Variants in ARPC5L observed in about 807,000 individuals in gnomAD.
The protein encoded by ARPC5L is actin-related protein 2/3 complex subunit 5-like protein.
A neutral mutation model predicts 16.9 loss-of-function variants in ARPC5L; 4 were observed. The ratio of observed to expected loss-of-function variants is 0.24; its 90% confidence interval spans 0.12 to 0.54. The LOEUF is 0.54. Among genes scored for constraint, ARPC5L ranks in the 20% least tolerant of loss-of-function variants. The pLI is 0.95. For synonymous variants in ARPC5L, 78 were observed against 82.6 expected (o/e 0.94, Z 0.30); for missense variants, 151 against 201.9 (o/e 0.75, Z 1.53).
At chr9:124,868,290 C>T (rs934136018) in intron 2 of ARPC5L, 138 bp from the exon 3 acceptor site, 2 of 152,040 alleles carry the variant, frequency 1.3e-5, no homozygotes, top group African/African-American at 2.4e-5. Flanking sequence ...AGTTTTCACA[C>T]TATTATATAA....
At chr9:124,869,824 C>G (rs1588042780) in intron 3 of ARPC5L, among the ~76,000 whole-genome samples, 1 of 152,088 alleles carries the variant, frequency 6.6e-6, no homozygotes, top group Non-Finnish European at 1.5e-5. Context: ...TATGGCGGGG[C>G]TGGGTCGGCG....
At chr9:124,864,811 CTTTT>C (rs953093647) in intron 2 of ARPC5L, among the ~76,000 whole-genome samples, 1 of 143,290 alleles carries the variant, frequency 7.0e-6, no homozygotes, top group Admixed American at 7.0e-5. Flanking sequence ...GCGCCTGGAC[CTTTT>C]TTTTTTTTTG....
At chr9:124,870,065 G>T (rs998940804) in intron 3 of ARPC5L, among the ~76,000 whole-genome samples, 1 of 152,184 alleles carries the variant, frequency 6.6e-6, no homozygotes, top group African/African-American at 2.4e-5. Context: ...GAGAAAGGGG[G>T]ACCCTGTGGT....
intron 2 of ARPC5L, among the ~76,000 whole-genome samples, chr9:124,866,753 C>T (rs1277669676): frequency 1.3e-5 from 2 of 152,100 alleles, no homozygotes; most frequent in African/African-American, 4.8e-5. Context: ...CAGCTTGTTC[C>T]CACCATCCTC....
chr9:124,865,864 T>C (rs776239510), intron 2 of ARPC5L, among the ~76,000 whole-genome samples: 4 of 151,762 alleles, frequency 2.6e-5, no homozygotes, highest in Non-Finnish European at 4.4e-5. Flanking sequence ...CCCAGCACTT[T>C]GGGAGGCCAA....
rs1829357385 is a variant in ARPC5L at position 124,871,359 on chromosome 9, C to G, written c.149+1920C>G. On this transcript the variant is annotated intron_variant, in intron 3 of 5. Coordinates refer to ENST00000353214, the MANE Select transcript of ARPC5L (RefSeq NM_030978.3). The stretch of plus-strand genomic sequence containing the variant: ...CATCTTCTGTTACGTGGCGGACAGC[C>G]ATGCTGGCTTCCTAGATTCCGTGGG... Among the ~76,000 whole-genome samples, 3 of 152,320 alleles carry G rather than the reference C, an allele frequency of 2.0e-5. No individual in the cohort carries two copies. The South Asian group carries it at 6.2e-4, about 32-fold the overall frequency.
intron 3 of ARPC5L, 139 bp from the exon 4 acceptor site, chr9:124,873,553 C>G: frequency 1.1e-6 from 1 of 919,408 alleles, no homozygotes; most frequent in Admixed American, 2.0e-5. Flanking sequence ...ACCGTCTCTG[C>G]CCCCCTGGAA....
chr9:124,865,352 G>A (rs923595182), intron 2 of ARPC5L, among the ~76,000 whole-genome samples: 20 of 148,858 alleles, frequency 1.3e-4, no homozygotes, highest in African/African-American at 4.9e-4. Flanking sequence ...GTCTAATGGT[G>A]CACAGTGCCT....
chr9:124,874,947 G>A, intron 4 of ARPC5L, 28 bp from the exon 5 acceptor site: 2 of 1,612,760 alleles, frequency 1.2e-6, no homozygotes, highest in Non-Finnish European at 8.5e-7. Flanking sequence ...CGCAGCTCTG[G>A]GACTCACTTG....
intron 3 of ARPC5L, among the ~76,000 whole-genome samples, chr9:124,870,134 A>C (rs1829335170): frequency 6.6e-6 from 1 of 152,200 alleles, no homozygotes; most frequent in African/African-American, 2.4e-5. Flanking sequence ...GGCTCCCCCC[A>C]GTACCCTTCT....
intron 5 of ARPC5L, among the ~76,000 whole-genome samples, chr9:124,875,932 G>C (rs2131339874): frequency 6.6e-6 from 1 of 152,308 alleles, no homozygotes; most frequent in South Asian, 2.1e-4. Context: ...CCTTAGGTCT[G>C]CTGGCGGGTG....
At chr9:124,869,483 T>TCACCTTCC (rs756297570) in intron 3 of ARPC5L, 44 bp downstream of exon 3, 101 of 1,415,580 alleles carry the variant, frequency 7.1e-5, no homozygotes, top group African/African-American at 5.5e-4. Flanking sequence ...CGCGGCCTTC[T>TCACCTTCC]CACCTTCCCA....
chr9:124,866,117 A>G (rs1217152878), intron 2 of ARPC5L, among the ~76,000 whole-genome samples: 1 of 150,544 alleles, frequency 6.6e-6, no homozygotes, highest in African/African-American at 2.4e-5. Context: ...AAAAACAAAA[A>G]AACAGGTCAG....
intron 3 of ARPC5L, 21 bp from the exon 4 acceptor site, chr9:124,873,671 C>G: frequency 1.2e-6 from 2 of 1,614,082 alleles, no homozygotes; most frequent in Non-Finnish European, 1.7e-6. Flanking sequence ...GCCTAGCTAT[C>G]CTTAACTGGT....
chr9:124,875,183 C>T (rs2131339336), intron 5 of ARPC5L, 32 bp downstream of exon 5: 1 of 1,600,584 alleles, frequency 6.2e-7, no homozygotes, highest in Admixed American at 1.7e-5. Context: ...CCCCAGTGAG[C>T]CACCTGGCTT....
At position 124,862,223 on chromosome 9, in the gene ARPC5L, G is replaced by A; in HGVS notation, c.-1159G>A. ...AACGTGGGCGGCAGCTACCAGAGAT[G>A]GCACACGGAGGACTCAAATTCGTCC... is the stretch of plus-strand genomic sequence containing the variant. On this transcript the variant is annotated 5_prime_UTR_variant, in exon 1 of 6. An upstream start codon of the reference 5' UTR is lost. Coordinates refer to ENST00000353214, the MANE Select transcript of ARPC5L (RefSeq NM_030978.3). 2.6e-6 allele frequency: 1 copy of A among 386,890 alleles called. No individual in the cohort carries two copies. Among genetic ancestry groups the A allele is most frequent in the East Asian group, 3.9e-5 (1 of 25,536 alleles). The allele number at this position is 386,890 out of a possible 1,614,324, so 24.0% of individuals were successfully genotyped here.
At chr9:124,875,292 T>A in intron 5 of ARPC5L, 141 bp downstream of exon 5, 2 of 943,236 alleles carry the variant, frequency 2.1e-6, no homozygotes, top group Non-Finnish European at 3.1e-6. Context: ...CTGGGACATG[T>A]CATCACTTCC....
At chr9:124,866,172 C>G (rs827427) in intron 2 of ARPC5L, among the ~76,000 whole-genome samples, 149,590 of 152,236 alleles carry the variant, frequency 0.98, 73,548 homozygotes, top group East Asian at 1. Context: ...AGGAAGCCGA[C>G]GCAGGTGGAT....
chr9:124,873,484 GA>G, intron 3 of ARPC5L: 4 of 600,370 alleles, frequency 6.7e-6, no homozygotes, highest in Non-Finnish European at 1.2e-5. Flanking sequence ...AGAGGGAGTT[GA>G]AAGGAGGGTT....
Sources: allele counts gnomAD v4.1 joint callset (sites outside exome capture counted in the v4.1 genomes callset), GRCh38; gene constraint gnomAD v4.1.1; transcripts MANE v1.5; gene names NCBI Gene and HGNC (gene_info 2026-07-23, HGNC 2026-07-21).